The following L3MBTL4 variants were observed in gnomAD, a reference collection of about 807,000 sequenced individuals.
The protein encoded by L3MBTL4 is L3MBTL histone methyl-lysine binding protein 4, also known as lethal(3)malignant brain tumor-like protein 4.
In L3MBTL4, 70 loss-of-function variants were observed where a neutral mutation model predicts 84.5. The ratio of observed to expected loss-of-function variants is 0.83; its 90% CI spans 0.68 to 1.01. The LOEUF is 1.01. Among genes scored for constraint, L3MBTL4 ranks in the 50% least tolerant of loss-of-function variants. The probability of loss-of-function intolerance (pLI) is 0.00; values close to 1 mark genes in which losing one functional copy is unlikely to be tolerated. For missense variants in L3MBTL4, 715 were observed against 754.8 expected (o/e 0.95, Z 0.62); for synonymous variants, 274 against 259.8 (o/e 1.05, Z -0.52).
intron 18 of L3MBTL4, among the ~76,000 whole-genome samples, chr18:5,959,863 G>A (rs574396499): frequency 1.0e-3 from 157 of 152,050 alleles, no homozygotes; most frequent in African/African-American, 3.6e-3. Context: ...GACTGAAGGC[G>A]GAGACTGACC....
At chr18:6,376,253 T>C (rs2054364103) in intron 1 of L3MBTL4, among the ~76,000 whole-genome samples, 2 of 152,144 alleles carry the variant, frequency 1.3e-5, no homozygotes, top group African/African-American at 4.8e-5. Flanking sequence ...GCTTCCTGCT[T>C]CTCTTAATGT....
At chr18:6,345,417 C>A (rs150724392) in intron 1 of L3MBTL4, among the ~76,000 whole-genome samples, 3,143 of 149,794 alleles carry the variant, frequency 0.021, 43 homozygotes, top group East Asian at 0.097. Flanking sequence ...AACAAACAAA[C>A]AAACAAAAAA....
At chr18:6,067,263 T>C (rs940173416) in intron 16 of L3MBTL4, among the ~76,000 whole-genome samples, 3 of 152,192 alleles carry the variant, frequency 2.0e-5, no homozygotes, top group Admixed American at 6.5e-5. Flanking sequence ...GATAGCCTGA[T>C]GACTATGTGC....
chr18:6,184,200 T>C lies in L3MBTL4; in HGVS notation c.982-12258A>G, dbSNP rs188369573. ...ATGTATTAGTACAACATTAATCTTA[T>C]TAGTAATTTCTAAATTGGTCATATA... On this transcript the variant is annotated intron_variant, in intron 12 of 18. Transcript: ENST00000317931. Among the ~76,000 whole-genome samples the C allele has an allele frequency of 5.9e-5, 9 of 152,340 alleles. No individual in the cohort carries two copies. In the East Asian group the frequency reaches 1.7e-3, roughly 29 times the overall value.
chr18:6,221,038 T>G (rs2145882366), intron 10 of L3MBTL4, among the ~76,000 whole-genome samples: 1 of 152,298 alleles, frequency 6.6e-6, no homozygotes, highest in Middle Eastern at 3.4e-3. Context: ...TTTTTTTCCA[T>G]ATTAGAAGGC....
chr18:6,104,512 T>C (rs1042806142), intron 14 of L3MBTL4, among the ~76,000 whole-genome samples: 1 of 152,170 alleles, frequency 6.6e-6, no homozygotes, highest in Admixed American at 6.5e-5. Flanking sequence ...ATATATGAGG[T>C]ATCTTATGTA....
chr18:6,145,725 A>G (rs1156693905), intron 13 of L3MBTL4, among the ~76,000 whole-genome samples: 1 of 151,976 alleles, frequency 6.6e-6, no homozygotes, highest in Admixed American at 6.6e-5. Context: ...ATTTTTTCTT[A>G]TTTTTAACAT....
chr18:6,022,755 A>G (rs1357363016), intron 16 of L3MBTL4, among the ~76,000 whole-genome samples: 1 of 152,258 alleles, frequency 6.6e-6, no homozygotes, highest in East Asian at 1.9e-4. Context: ...TAAGTAAGGC[A>G]GGAGTGAAAT....
In L3MBTL4 at chr18:6,311,597, A is replaced by T; in HGVS notation, c.29T>A (p.Leu10His). The T allele has an allele frequency of 6.2e-7, 1 of 1,613,654 alleles. No homozygotes were observed. Among genetic ancestry groups the T allele is most frequent in the Non-Finnish European group, 8.5e-7 (1 of 1,179,834 alleles). Reference protein sequence around the residue: MKQPNRKRKLNMDSKERLDQ... With the variant: MKQPNRKRKHNMDSKERLDQ... The stretch of plus-strand genomic sequence containing the variant: ...CAAACGCTCTTTGGAATCCATATTA[A>T]GCTTCCTTTTCCTGTTGGGCTGTTT... The change falls in exon 3 of 19, where the codon CTT becomes CAT. Residue 10 changes from leucine to histidine, a missense_variant. Transcript: ENST00000317931.
At chr18:5,971,347 T>G (rs1164597668) in intron 16 of L3MBTL4, among the ~76,000 whole-genome samples, 1 of 152,192 alleles carries the variant, frequency 6.6e-6, no homozygotes, top group Non-Finnish European at 1.5e-5. Flanking sequence ...CCTGCACTCT[T>G]AGGGATTAAG....
At chr18:5,992,716 C>G (rs372383905) in intron 16 of L3MBTL4, among the ~76,000 whole-genome samples, 36 of 152,288 alleles carry the variant, frequency 2.4e-4, no homozygotes, top group African/African-American at 6.0e-4. Context: ...CCTCCACCCC[C>G]ACTCTCTCCC....
At chr18:6,170,707 CT>C (rs750488122) in intron 13 of L3MBTL4, among the ~76,000 whole-genome samples, 1 of 152,096 alleles carries the variant, frequency 6.6e-6, no homozygotes, top group Non-Finnish European at 1.5e-5. Context: ...GAGAAAGTTA[CT>C]GGCTGAGGCA....
intron 13 of L3MBTL4, among the ~76,000 whole-genome samples, chr18:6,156,637 C>T (rs1388830286): frequency 6.6e-6 from 1 of 152,180 alleles, no homozygotes; most frequent in Non-Finnish European, 1.5e-5. Flanking sequence ...CGTCCATATG[C>T]TGACTTGCAT....
At chr18:6,090,779 C>T (rs1253060049) in intron 15 of L3MBTL4, among the ~76,000 whole-genome samples, 1 of 149,368 alleles carries the variant, frequency 6.7e-6, no homozygotes, top group African/African-American at 2.5e-5. Context: ...CACATGCCAC[C>T]ACACCCACCT....
chr18:6,010,990 A>G (rs1027310391), intron 16 of L3MBTL4, among the ~76,000 whole-genome samples: 1 of 152,242 alleles, frequency 6.6e-6, no homozygotes, highest in South Asian at 2.1e-4. Context: ...ATTTCTGATA[A>G]TCTGCTAATG....
chr18:6,223,046 C>T (rs2046626076), intron 10 of L3MBTL4, among the ~76,000 whole-genome samples: 1 of 151,356 alleles, frequency 6.6e-6, no homozygotes, highest in African/African-American at 2.4e-5. Flanking sequence ...ATTTGCAAAG[C>T]TAAATATTTC....
At chr18:6,022,004 C>T (rs1239071972) in intron 16 of L3MBTL4, among the ~76,000 whole-genome samples, 2 of 152,184 alleles carry the variant, frequency 1.3e-5, no homozygotes, top group Non-Finnish European at 2.9e-5. Flanking sequence ...CTATTAATCC[C>T]AAATGTTGGT....
intron 1 of L3MBTL4, chr18:6,395,230 A>G (rs2055222273): frequency 6.6e-6 from 1 of 152,146 alleles, no homozygotes; most frequent in African/African-American, 2.4e-5. Context: ...ATATATATAT[A>G]TGAGACTATT....
intron 12 of L3MBTL4, among the ~76,000 whole-genome samples, chr18:6,185,683 A>G (rs921575494): frequency 2.0e-5 from 3 of 152,326 alleles, no homozygotes; most frequent in Admixed American, 1.3e-4. Context: ...CAAGTCTACA[A>G]GAAATCCTGA....
Sources: allele counts gnomAD v4.1 joint callset (sites outside exome capture counted in the v4.1 genomes callset), GRCh38; gene constraint gnomAD v4.1.1; transcripts MANE v1.5; gene names NCBI Gene and HGNC (gene_info 2026-07-23, HGNC 2026-07-21).